Variants in FAM241A observed in about 807,000 individuals in gnomAD.
FAM241A encodes the protein uncharacterized protein FAM241A.
In FAM241A, 7 loss-of-function variants were observed where a neutral mutation model predicts 12.2. The observed-to-expected ratio is 0.58, with a 90% CI of 0.33 to 1.08. The LOEUF is 1.08. FAM241A is among the 50% of genes least tolerant of loss of function. FAM241A has a pLI of 0.04. For missense variants in FAM241A, 161 were observed against 169.7 expected, an observed-to-expected ratio of 0.95 and a Z score of 0.29; for synonymous variants, 74 against 68.2, an observed-to-expected ratio of 1.08 and a Z score of -0.42.
intron 1 of FAM241A, among the ~76,000 whole-genome samples, chr4:112,152,639 C>G (rs80234682): frequency 0.03 from 4,497 of 152,182 alleles, 182 homozygotes; most frequent in East Asian, 0.16. Context: ...GTCTCGTTCT[C>G]TCATGTGTTT....
chr4:112,178,958 A>G (rs1177663765), intron 1 of FAM241A, among the ~76,000 whole-genome samples: 1 of 152,218 alleles, frequency 6.6e-6, no homozygotes, highest in Non-Finnish European at 1.5e-5. Flanking sequence ...GGCTGTTACT[A>G]AAAAGTCAGA....
chr4:112,157,203 A>T (rs549382645), intron 1 of FAM241A, among the ~76,000 whole-genome samples: 1 of 152,318 alleles, frequency 6.6e-6, no homozygotes, highest in South Asian at 2.1e-4. Context: ...AAAAGTATTT[A>T]TGGAGAAGAT....
At position 112,189,477 on chromosome 4, in the gene FAM241A, T is replaced by C. The variant is rs1724119362; in HGVS notation, c.*2539T>C. 6.7e-6 allele frequency: 1 copy of C among 149,886 alleles called. No individual in the cohort carries two copies. The highest frequency in any genetic ancestry group is 2.5e-5 in the African/African-American group (1 of 40,568). 9.3% of individuals were successfully genotyped at this position (149,886 alleles called of 1,614,324 possible). The stretch of plus-strand genomic sequence containing the variant: ...CTGTTATTGCTTATGAATAAAGAAA[T>C]AGAAGTTACAATGCTAAGGTTATTA... On this transcript the variant is annotated 3_prime_UTR_variant, in exon 2 of 2. Transcript: ENST00000309733.
At chr4:112,155,916 C>T (rs539945638) in intron 1 of FAM241A, among the ~76,000 whole-genome samples, 2 of 152,158 alleles carry the variant, frequency 1.3e-5, no homozygotes, top group Middle Eastern at 3.4e-3. Flanking sequence ...TATTATTGCC[C>T]CTACTTTAAG....
chr4:112,160,873 T>C (rs1313243569), intron 1 of FAM241A, among the ~76,000 whole-genome samples: 1 of 152,146 alleles, frequency 6.6e-6, no homozygotes, highest in Non-Finnish European at 1.5e-5. Flanking sequence ...AGAATGAAAC[T>C]ACATCCTTAT....
chr4:112,184,324 G>A (rs751258405), intron 1 of FAM241A, among the ~76,000 whole-genome samples: 2 of 152,204 alleles, frequency 1.3e-5, no homozygotes, highest in Non-Finnish European at 2.9e-5. Flanking sequence ...GAGGCCAGGA[G>A]TTCAAGACCA....
At chr4:112,153,326 AACTC>A (rs1723281145) in intron 1 of FAM241A, among the ~76,000 whole-genome samples, 1 of 152,172 alleles carries the variant, frequency 6.6e-6, no homozygotes, top group African/African-American at 2.4e-5. Flanking sequence ...TAAAAGGAAA[AACTC>A]AAAGTACCAT....
chr4:112,166,173 C>T (rs953584290), intron 1 of FAM241A, among the ~76,000 whole-genome samples: 11 of 151,446 alleles, frequency 7.3e-5, no homozygotes, highest in Non-Finnish European at 4.4e-5. Flanking sequence ...CAGCCTCTCC[C>T]GAGTAGCTGG....
chr4:112,146,176 C>T (rs1190263193), intron 1 of FAM241A, among the ~76,000 whole-genome samples: 1 of 152,188 alleles, frequency 6.6e-6, no homozygotes, highest in East Asian at 1.9e-4. Context: ...TCCGAGCCCA[C>T]ACCTAGCGTG....
intron 1 of FAM241A, among the ~76,000 whole-genome samples, chr4:112,168,815 C>T (rs1161052060): frequency 3.9e-5 from 6 of 152,066 alleles, no homozygotes; most frequent in African/African-American, 9.7e-5. Context: ...CAGGTGTGCA[C>T]CCCCACACCC....
At chr4:112,164,320 A>G (rs1163269417) in intron 1 of FAM241A, among the ~76,000 whole-genome samples, 1 of 151,304 alleles carries the variant, frequency 6.6e-6, no homozygotes, top group African/African-American at 2.4e-5. Context: ...GAAGCTGGAT[A>G]TCATCATTCT....
chr4:112,175,728 A>T (rs546659930), intron 1 of FAM241A, among the ~76,000 whole-genome samples: 1 of 151,986 alleles, frequency 6.6e-6, no homozygotes, highest in Non-Finnish European at 1.5e-5. Context: ...AGATCATGCC[A>T]TGGCACTCCA....
In FAM241A at chr4:112,188,371, T is replaced by A. The variant is rs1199889857; in HGVS notation, c.*1433T>A. ...CTGTGCATTCTTAGTGTCTTCTCAT[T>A]CTGAAACAGAAAATAAGGAAAAACA... On this transcript the variant is annotated 3_prime_UTR_variant, in exon 2 of 2. Coordinates refer to ENST00000309733, the MANE Select transcript of FAM241A (RefSeq NM_152400.3). 2.0e-5 allele frequency: 3 copies of A among 152,154 alleles called. No homozygotes were observed. Among genetic ancestry groups the A allele is most frequent in the East Asian group, 1.9e-4 (1 of 5,194 alleles). The allele number at this position is 152,154 out of a possible 1,614,324, so 9.4% of individuals were successfully genotyped here. A position where few individuals can be genotyped will look rare whatever the true frequency, so the allele number is the denominator to read the frequency against.
intron 1 of FAM241A, among the ~76,000 whole-genome samples, chr4:112,172,555 A>G (rs1177842551): frequency 6.6e-6 from 1 of 152,214 alleles, no homozygotes; most frequent in Non-Finnish European, 1.5e-5. Flanking sequence ...CTTTTGATTT[A>G]GTTTATGACC....
At chr4:112,157,136 C>G (rs748522172) in intron 1 of FAM241A, among the ~76,000 whole-genome samples, 1 of 152,076 alleles carries the variant, frequency 6.6e-6, no homozygotes, top group African/African-American at 2.4e-5. Context: ...TGTAACTCAT[C>G]ATCAAGAGGG....
intron 1 of FAM241A, among the ~76,000 whole-genome samples, chr4:112,152,210 TA>T (rs1223888275): frequency 6.6e-6 from 1 of 152,138 alleles, no homozygotes; most frequent in Non-Finnish European, 1.5e-5. Flanking sequence ...CTTTTGTCCA[TA>T]GGGGGCATTT....
In FAM241A at chr4:112,191,076, C is replaced by G. The variant is rs546514667; in HGVS notation, c.*4138C>G. ...GTACCCAAGACTCAGCGTGTCCAAA[C>G]GAGCGCAGCATCCTTCTCCCAAATC... On this transcript the variant is annotated 3_prime_UTR_variant, in exon 2 of 2. Transcript: ENST00000309733. 1 of 152,238 alleles carries G rather than the reference C, an allele frequency of 6.6e-6. No individual in the cohort carries two copies. The highest frequency in any genetic ancestry group is 1.5e-5 in the Non-Finnish European group (1 of 68,066). The allele number at this position is 152,238 out of a possible 1,614,324, so 9.4% of individuals were successfully genotyped here. A position where few individuals can be genotyped will look rare whatever the true frequency, so the allele number is the denominator to read the frequency against.
intron 1 of FAM241A, among the ~76,000 whole-genome samples, chr4:112,182,648 A>G (rs77077601): frequency 0.03 from 4,502 of 152,226 alleles, 182 homozygotes; most frequent in East Asian, 0.16. Context: ...GCTCCTACCA[A>G]TCGTCAAAGA....
intron 1 of FAM241A, among the ~76,000 whole-genome samples, chr4:112,177,279 A>G (rs925317787): frequency 1.3e-5 from 2 of 152,196 alleles, no homozygotes; most frequent in Admixed American, 1.3e-4. Flanking sequence ...AAATGTATTC[A>G]TTCTGTGTAA....
Sources: allele counts gnomAD v4.1 joint callset (sites outside exome capture counted in the v4.1 genomes callset), GRCh38; gene constraint gnomAD v4.1.1; transcripts MANE v1.5; gene names NCBI Gene and HGNC (gene_info 2026-07-23, HGNC 2026-07-21).